Variants in ALAD observed in about 807,000 individuals in gnomAD.
ALAD encodes delta-aminolevulinic acid dehydratase.
A neutral mutation model predicts 44.4 loss-of-function variants in ALAD; 20 were observed. The ratio of observed to expected loss-of-function variants is 0.45; its 90% CI spans 0.32 to 0.65. The LOEUF (loss-of-function observed/expected upper bound fraction) is 0.65, where lower values mean the gene tolerates loss of function less well. Ranked by LOEUF, ALAD falls within the 30% of genes least tolerant of loss-of-function variation. ALAD has a pLI of 0.05. For missense variants in ALAD, 323 were observed against 445.7 expected, an observed-to-expected ratio of 0.72 and a Z score of 2.48; for synonymous variants, 156 against 167.9, an observed-to-expected ratio of 0.93 and a Z score of 0.55.
chr9:113,391,143 T>C (rs1047318918), intron 4 of ALAD, among the ~76,000 whole-genome samples: 8 of 152,188 alleles, frequency 5.3e-5, no homozygotes, highest in Admixed American at 1.3e-4. Flanking sequence ...GCCAGCACAA[T>C]GTGGGAGTGA....
rs1448420168 is a variant in ALAD, at chr9:113,390,621, A to G, written c.453T>C (p.Ala151=). ...CCTTGGCATACGCCAATGCCACCTC[A>G]GCCAGCCGCTGGCGGCTCTCCTCAG... ...FRAEESRQRL[A]EVALAYAKAG... The change falls in exon 6 of 12, where the codon GCT becomes GCC. Residue 151 remains alanine (A), a synonymous_variant. Transcript: ENST00000409155. The G allele has an allele frequency of 1.2e-6, 2 of 1,614,088 alleles. No homozygotes were observed. The highest frequency in any genetic ancestry group is 4.5e-5 in the East Asian group (2 of 44,886).
In ALAD at chr9:113,389,816, T is replaced by C; in HGVS notation, c.583A>G (p.Ser195Gly). 2 of 1,614,224 alleles carry C rather than the reference T, an allele frequency of 1.2e-6. No homozygotes were observed. Among genetic ancestry groups the C allele is most frequent in the African/African-American group, 2.7e-5 (2 of 75,068 alleles). Residue 195 changes from serine to glycine, a missense_variant, in exon 8 of 12, where the codon AGC becomes GGC. Coordinates refer to ENST00000409155, the MANE Select transcript of ALAD (RefSeq NM_000031.6). ...CAGGAAGCAAATTTGGCACTGTAGCTCATCACCGATACCTATGGGGAGACA... is the reference window on the plus strand; with the variant it reads ...CAGGAAGCAAATTTGGCACTGTAGCCCATCACCGATACCTATGGGGAGACA... ...HGLGNRVSVM[S>G]YSAKFASCFY... is the part of the protein sequence containing the mutation.
rs200963049 is a variant in ALAD, at chr9:113,391,547, C to G, written c.241G>C (p.Val81Leu). ...TTCACCTTGGGAACTCTGCTGGGGA[C>G]GCCAAAGATCAAGACACAGCGTAGG... ...EGLRCVLIFG[V>L]PSRVPKDERG... The change falls in exon 4 of 12, where the codon GTC becomes CTC. Residue 81 changes from valine to leucine, a missense_variant. Coordinates refer to ENST00000409155, the MANE Select transcript of ALAD (RefSeq NM_000031.6). 1 of 1,614,016 alleles carries G rather than the reference C, an allele frequency of 6.2e-7. No homozygotes were observed. Among genetic ancestry groups the G allele is most frequent in the African/African-American group, 1.3e-5 (1 of 75,032 alleles).
In ALAD at chr9:113,393,227, C is replaced by T. The variant is rs554838086; in HGVS notation, c.113+220G>A. The T allele has an allele frequency of 3.3e-5, 20 of 600,408 alleles. No individual in the cohort carries two copies. The Middle Eastern group carries it at 2.2e-3, about 67-fold the overall frequency. The allele number at this position is 600,408 out of a possible 1,614,324, so 37.2% of individuals were successfully genotyped here. ...AGGATGGCAGGCAAGGGTTATTCTT[C>T]TAATTTTCCAAATGGGATGAATGAG... is the stretch of plus-strand genomic sequence containing the variant. On this transcript the variant is annotated intron_variant, in intron 2 of 11. Coordinates refer to ENST00000409155, the MANE Select transcript of ALAD (RefSeq NM_000031.6).
intron 1 of ALAD, among the ~76,000 whole-genome samples, chr9:113,400,846 AAATG>A (rs1231383555): frequency 6.6e-6 from 1 of 152,160 alleles, no homozygotes; most frequent in Non-Finnish European, 1.5e-5. Context: ...TAAATAAAAT[AAATG>A]AATGGTCAAT....
chr9:113,393,804 G>A (rs768441935), intron 1 of ALAD, among the ~76,000 whole-genome samples, 170 bp from the exon 2 acceptor site: 1 of 152,198 alleles, frequency 6.6e-6, no homozygotes, highest in African/African-American at 2.4e-5. Flanking sequence ...AGAAATGAAA[G>A]TAAGTCTTTA....
At chr9:113,390,556 AC>A (rs1827546657) in intron 6 of ALAD, 36 bp downstream of exon 6, 1 of 1,613,392 alleles carries the variant, frequency 6.2e-7, no homozygotes, top group African/African-American at 1.3e-5. Flanking sequence ...CCACCTCCTG[AC>A]CCAGAGGTGC....
Position 113,393,469 on chromosome 9 carries a change from G to T in ALAD, c.91C>A (p.Leu31Ile). The T allele has an allele frequency of 6.2e-7, 1 of 1,613,036 alleles. No individual in the cohort carries two copies. Among genetic ancestry groups the T allele is most frequent in the Non-Finnish European group, 8.5e-7 (1 of 1,179,260 alleles). Residue 31 changes from leucine (L) to isoleucine (I), a missense_variant, in exon 2 of 12, where the codon CTC (leucine) becomes ATC (isoleucine). Leu to Ile is a conservative substitution (Grantham distance 5). Transcript: ENST00000409155. ...TATTTLNASNLIYPIFVTDVP... is the reference protein window; with the variant it reads ...TATTTLNASNIIYPIFVTDVP... The stretch of plus-strand genomic sequence containing the variant: ...CACGTGACAAAGATGGGGTAGATGA[G>T]GTTGGAGGCATTGAGGGTGGTGGTG...
intron 10 of ALAD, 77 bp from the exon 11 acceptor site, chr9:113,389,183 C>G: frequency 6.3e-7 from 1 of 1,584,882 alleles, no homozygotes; most frequent in Non-Finnish European, 8.6e-7. Flanking sequence ...CCCCCCTGCT[C>G]AATCTGTGAC....
At chr9:113,390,716 C>A in intron 5 of ALAD, 40 bp from the exon 6 acceptor site, 2 of 1,605,370 alleles carry the variant, frequency 1.2e-6, no homozygotes, top group Non-Finnish European at 1.7e-6. Flanking sequence ...GCACCTTGGG[C>A]CCTGGCCTGT....
intron 1 of ALAD, among the ~76,000 whole-genome samples, chr9:113,395,727 C>T (rs1360132581): frequency 1.3e-5 from 2 of 152,144 alleles, no homozygotes; most frequent in Non-Finnish European, 2.9e-5. Flanking sequence ...TGAGCCATGG[C>T]TCCAATGGGA....
chr9:113,388,871 TC>T, intron 11 of ALAD, 105 bp downstream of exon 11: 1 of 1,545,340 alleles, frequency 6.5e-7, no homozygotes, highest in African/African-American at 1.4e-5. Flanking sequence ...CACTAGTAAT[TC>T]CCGGAATAAG....
chr9:113,389,303 G>T, intron 10 of ALAD, 135 bp downstream of exon 10: 1 of 1,319,864 alleles, frequency 7.6e-7, no homozygotes, highest in Non-Finnish European at 1.1e-6. Context: ...AGAAGGCCAC[G>T]ATGGTTCCTG....
chr9:113,399,660 G>A (rs1301995934), intron 1 of ALAD, among the ~76,000 whole-genome samples: 1 of 152,180 alleles, frequency 6.6e-6, no homozygotes, highest in Non-Finnish European at 1.5e-5. Context: ...TCCCCAAACT[G>A]GGAGTAACTG....
At chr9:113,398,856 CCT>C (rs1326794929) in intron 1 of ALAD, among the ~76,000 whole-genome samples, 3 of 152,068 alleles carry the variant, frequency 2.0e-5, no homozygotes, top group Non-Finnish European at 4.4e-5. Context: ...GAAAACACCC[CCT>C]GAATCACATA....
At chr9:113,389,397 C>T in intron 10 of ALAD, 41 bp downstream of exon 10, 1 of 1,607,752 alleles carries the variant, frequency 6.2e-7, no homozygotes, top group Non-Finnish European at 8.5e-7. Flanking sequence ...AAAACTCTGT[C>T]CCAGCCCCCT....
At chr9:113,391,735 G>A in intron 3 of ALAD, 112 bp from the exon 4 acceptor site, 3 of 853,138 alleles carry the variant, frequency 3.5e-6, no homozygotes, top group South Asian at 1.4e-5. Flanking sequence ...ATGGCACCAG[G>A]AGGGCTCAAG....
chr9:113,399,537 G>A (rs1461599464), intron 1 of ALAD, among the ~76,000 whole-genome samples: 1 of 152,184 alleles, frequency 6.6e-6, no homozygotes, highest in African/African-American at 2.4e-5. Flanking sequence ...ACCAGGTGCT[G>A]TCAGAGGGAC....
At chr9:113,396,052 C>T (rs181452392) in intron 1 of ALAD, among the ~76,000 whole-genome samples, 63 of 152,066 alleles carry the variant, frequency 4.1e-4, no homozygotes, top group African/African-American at 1.3e-3. Flanking sequence ...AAAAATTAGC[C>T]GGGTGTGGTG....
Sources: allele counts gnomAD v4.1 joint callset (sites outside exome capture counted in the v4.1 genomes callset), GRCh38; gene constraint gnomAD v4.1.1; transcripts MANE v1.5; gene names NCBI Gene and HGNC (gene_info 2026-07-23, HGNC 2026-07-21).